CYP26A1: variants seen among roughly 807,000 people sequenced by gnomAD.
CYP26A1 encodes cytochrome P450 26A1.
CYP26A1 carries 46 observed loss-of-function variants against 47.4 expected under a neutral mutation model. The observed-to-expected ratio is 0.97, with a 90% CI of 0.77 to 1.24. The LOEUF (loss-of-function observed/expected upper bound fraction) is 1.24. Ranked by LOEUF, CYP26A1 falls within the 50% of genes most tolerant of loss-of-function variation. The pLI is 0.00. For synonymous variants in CYP26A1, 277 were observed against 263.7 expected (o/e 1.05, Z -0.49); for missense variants, 680 against 644.4 (o/e 1.06, Z -0.60).
In CYP26A1 at chr10:93,075,214, G is replaced by C; in HGVS notation, c.771G>C (p.Gly257=). 1 of 1,613,982 alleles carries C rather than the reference G, an allele frequency of 6.2e-7. No individual in the cohort carries two copies. The highest frequency in any genetic ancestry group is 1.1e-5 in the South Asian group (1 of 91,086). The change falls in exon 4 of 7, where the codon GGG becomes GGC. Residue 257 remains glycine, a synonymous_variant. Transcript: ENST00000224356. ...AGAACATTCGCGCCAAGATCTGCGGGCTGCGGGCATCCGAGGCGGGCCAGG... is the reference window on the plus strand; with the variant it reads ...AGAACATTCGCGCCAAGATCTGCGGCCTGCGGGCATCCGAGGCGGGCCAGG... ...IEQNIRAKIC[G]LRASEAGQGC... is the part of the protein sequence containing the mutation.
chr10:93,076,582 C>A lies in CYP26A1; in HGVS notation c.1038C>A (p.Asp346Glu). 1 of 1,608,150 alleles carries A rather than the reference C, an allele frequency of 6.2e-7. No homozygotes were observed. The highest frequency in any genetic ancestry group is 8.5e-7 in the Non-Finnish European group (1 of 1,174,982). Residue 346 changes from aspartate to glutamate, a missense_variant, in exon 6 of 7, where the codon GAC becomes GAA. By Grantham distance (45) the Asp-to-Glu change is conservative. Coordinates refer to ENST00000224356, the MANE Select transcript of CYP26A1 (RefSeq NM_000783.4). ...LCKSNQDNKL[D>E]MEILEQLKYI... ...AGAGCAATCAAGACAACAAGTTGGA[C>A]ATGGAAATTTTGGAACAACTTAAAT... is the stretch of plus-strand genomic sequence containing the variant.
chr10:93,075,637 G>T, intron 4 of CYP26A1, 189 bp from the exon 5 acceptor site: 5 of 592,134 alleles, frequency 8.4e-6, no homozygotes, highest in Non-Finnish European at 1.5e-5. Flanking sequence ...GGTCGTACTC[G>T]CCTTACTGCT....
At chr10:93,075,377 C>G in intron 4 of CYP26A1, 70 bp downstream of exon 4, 1 of 1,473,500 alleles carries the variant, frequency 6.8e-7, no homozygotes, top group Non-Finnish European at 9.3e-7. Flanking sequence ...GTTCCTGGGG[C>G]CCCCAAAGCG....
Position 93,074,292 on chromosome 10 carries a change from C to G in CYP26A1, c.190-16C>G, listed in dbSNP as rs755322246. On this transcript the variant is annotated splice_polypyrimidine_tract_variant and intron_variant, in intron 1 of 6. Coordinates refer to ENST00000224356, the MANE Select transcript of CYP26A1 (RefSeq NM_000783.4). The surrounding 1 kb of genome is among the most constrained non-coding windows in gnomAD (Gnocchi z 5.3). ...CCCCCTCATGCCCACTTCTCTCCTCCGCCTTCCTCCCACAGCGGAGGAAGT... is the reference window on the plus strand; with the variant it reads ...CCCCCTCATGCCCACTTCTCTCCTCGGCCTTCCTCCCACAGCGGAGGAAGT... 6.4e-7 allele frequency: 1 copy of G among 1,568,760 alleles called. No individual in the cohort carries two copies. Among genetic ancestry groups the G allele is most frequent in the Non-Finnish European group, 8.8e-7 (1 of 1,140,448 alleles).
chr10:93,074,361 G>C lies in CYP26A1; in HGVS notation c.243G>C (p.Thr81=). Residue 81 remains threonine, a synonymous_variant, in exon 2 of 7, where the codon ACG becomes ACC. Transcript: ENST00000224356. The surrounding 1 kb of genome is among the most constrained non-coding windows in gnomAD (Gnocchi z 5.3). ...GGAAATACGGCTTCATCTACAAGAC[G>C]CATCTGTTCGGGCGGCCCACCGTAC... The part of the protein sequence containing the change: ...KRRKYGFIYK[T]HLFGRPTVRV... 1 of 1,611,790 alleles carries C rather than the reference G, an allele frequency of 6.2e-7. No individual in the cohort carries two copies. The highest frequency in any genetic ancestry group is 8.5e-7 in the Non-Finnish European group (1 of 1,178,674).
rs569661292 is a variant in CYP26A1 at position 93,074,612 on chromosome 10, G to A, written c.414+80G>A. 2 of 1,120,834 alleles carry A rather than the reference G, an allele frequency of 1.8e-6. No homozygotes were observed. Among genetic ancestry groups the A allele is most frequent in the Middle Eastern group, 2.0e-4 (1 of 5,028 alleles). 69.4% of individuals were successfully genotyped at this position (1,120,834 alleles called of 1,614,324 possible). On this transcript the variant is annotated intron_variant, in intron 2 of 6. Coordinates refer to ENST00000224356, the MANE Select transcript of CYP26A1 (RefSeq NM_000783.4). The surrounding 1 kb of genome is among the most constrained non-coding windows in gnomAD (Gnocchi z 5.3). The stretch of plus-strand genomic sequence containing the variant: ...ATTCCGGCTGATGGATGCTAGGCGC[G>A]GGCTAGCAGCTTGAGGTGGGCTAGG...
In CYP26A1 at chr10:93,073,966, T is replaced by A. The variant is rs1320626614; in HGVS notation, c.32T>A (p.Leu11His). 7.6e-7 allele frequency: 1 copy of A among 1,307,530 alleles called. No homozygotes were observed. Among genetic ancestry groups the A allele is most frequent in the East Asian group, 2.3e-5 (1 of 43,418 alleles). The allele number at this position is 1,307,530 out of a possible 1,614,324, so 81.0% of individuals were successfully genotyped here. The change falls in exon 1 of 7, where the codon CTC (leucine) becomes CAC (histidine). Residue 11 changes from leucine (L) to histidine (H), a missense_variant. Coordinates refer to ENST00000224356, the MANE Select transcript of CYP26A1 (RefSeq NM_000783.4). Reference sequence around the variant, plus strand: ...CTCCCGGCGCTGCTGGCCAGTGCGCTCTGCACCTTCGTGCTGCCGCTGCTG... The same window carrying A: ...CTCCCGGCGCTGCTGGCCAGTGCGCACTGCACCTTCGTGCTGCCGCTGCTG... Reference protein sequence around the residue: MGLPALLASALCTFVLPLLLF... With the variant: MGLPALLASAHCTFVLPLLLF...
rs1412757431 is a variant in CYP26A1 at position 93,074,207 on chromosome 10, C to T, written c.189+84C>T. The T allele has an allele frequency of 2.0e-6, 3 of 1,521,314 alleles. No homozygotes were observed. The highest frequency in any genetic ancestry group is 2.7e-6 in the Non-Finnish European group (3 of 1,130,604). The allele number at this position is 1,521,314 out of a possible 1,614,324, so 94.2% of individuals were successfully genotyped here. On this transcript the variant is annotated intron_variant, in intron 1 of 6. Transcript: ENST00000224356. The surrounding 1 kb of genome is among the most constrained non-coding windows in gnomAD (Gnocchi z 5.3). Reference sequence around the variant, plus strand: ...TCTGCTGAAGTCGGGGTAGGCGCCCCCGGGAGGCATGCTATTGCGGCTAGG... The same window carrying T: ...TCTGCTGAAGTCGGGGTAGGCGCCCTCGGGAGGCATGCTATTGCGGCTAGG...
rs1421272690 is a variant in CYP26A1 at position 93,074,833 on chromosome 10, A to G, written c.469A>G (p.Thr157Ala). ...ACTCGAATGCTACGTGCCGGTGATC[A>G]CCGAGGAAGTGGGCAGCAGCCTGGA... ...EALECYVPVI[T>A]EEVGSSLEQW... The change falls in exon 3 of 7, where the codon ACC becomes GCC. Residue 157 changes from threonine to alanine, a missense_variant. Transcript: ENST00000224356. This position sits in a 1 kb window ranked among gnomAD's most constrained non-coding sequence, Gnocchi z 5.3. 3 of 1,611,342 alleles carry G rather than the reference A, an allele frequency of 1.9e-6. No individual in the cohort carries two copies. The African/African-American group carries it at 4.0e-5, about 22-fold the overall frequency.
chr10:93,075,116 G>A, intron 3 of CYP26A1, 33 bp from the exon 4 acceptor site: 1 of 1,610,954 alleles, frequency 6.2e-7, no homozygotes, highest in Non-Finnish European at 8.5e-7. Context: ...GGACCTGGGC[G>A]TCTGCTCACC....
chr10:93,077,342 G>C lies in CYP26A1; in HGVS notation c.*38G>C, dbSNP rs906646750. 1.7e-6 allele frequency: 2 copies of C among 1,191,310 alleles called. No homozygotes were observed. The highest frequency in any genetic ancestry group is 2.3e-6 in the Non-Finnish European group (2 of 866,066). 73.8% of individuals were successfully genotyped at this position (1,191,310 alleles called of 1,614,324 possible). On this transcript the variant is annotated 3_prime_UTR_variant, in exon 7 of 7. Transcript: ENST00000224356. ...TTCAAACCTGAGACTTATTGGAAGT[G>C]TACATATGAGTTTTTAAGGAGTGTT...
chr10:93,076,081 G>GGCT, intron 5 of CYP26A1, 121 bp downstream of exon 5: 1 of 724,874 alleles, frequency 1.4e-6, no homozygotes, highest in East Asian at 2.6e-5. Context: ...CAGGGCCCAG[G>GGCT]GCTGCGTGGG....
At position 93,074,187 on chromosome 10, in the gene CYP26A1, T is replaced by G; in HGVS notation, c.189+64T>G. The G allele has an allele frequency of 1.3e-6, 2 of 1,519,110 alleles. No homozygotes were observed. Among genetic ancestry groups the G allele is most frequent in the Non-Finnish European group, 1.8e-6 (2 of 1,131,556 alleles). The allele number at this position is 1,519,110 out of a possible 1,614,324, so 94.1% of individuals were successfully genotyped here. ...GCCCGGCGCGGCTCTGGGCTTCTGC[T>G]GAAGTCGGGGTAGGCGCCCCCGGGA... On this transcript the variant is annotated intron_variant, in intron 1 of 6. Coordinates refer to ENST00000224356, the MANE Select transcript of CYP26A1 (RefSeq NM_000783.4). This position sits in a 1 kb window ranked among gnomAD's most constrained non-coding sequence, Gnocchi z 5.3.
Position 93,074,005 on chromosome 10 carries a change from CGATCAAGCTCTGGG to C in CYP26A1, c.72_85del (p.Ile25ProfsTer98). 2.5e-6 allele frequency: 4 copies of C among 1,589,636 alleles called. No individual in the cohort carries two copies. The highest frequency in any genetic ancestry group is 3.5e-6 in the Non-Finnish European group (4 of 1,158,952). ...CTGCCGCTGCTGCTCTTCCTGGCTG[CGATCAAGCTCTGGG>C]ACCTGTACTGCGTGAGCGGCCGCGA... On this transcript the variant is annotated frameshift_variant, in exon 1 of 7. Coordinates refer to ENST00000224356, the MANE Select transcript of CYP26A1 (RefSeq NM_000783.4). LOFTEE classifies it high-confidence loss of function. This position sits in a 1 kb window ranked among gnomAD's most constrained non-coding sequence, Gnocchi z 5.3.
chr10:93,075,648 C>A (rs1298017540), intron 4 of CYP26A1, 178 bp from the exon 5 acceptor site: 2 of 598,246 alleles, frequency 3.3e-6, no homozygotes, highest in East Asian at 5.5e-5. Context: ...CCTTACTGCT[C>A]CAGCTGAACT....
intron 4 of CYP26A1, 26 bp from the exon 5 acceptor site, chr10:93,075,800 G>C: frequency 6.3e-7 from 1 of 1,597,604 alleles, no homozygotes; most frequent in Non-Finnish European, 8.6e-7. Flanking sequence ...AGACTTGTGA[G>C]AATGTGGGTC....
intron 4 of CYP26A1, 73 bp downstream of exon 4, chr10:93,075,380 C>G: frequency 7.0e-7 from 1 of 1,432,832 alleles, no homozygotes. Flanking sequence ...CCTGGGGCCC[C>G]CAAAGCGCGC....
At position 93,074,364 on chromosome 10, in the gene CYP26A1, T is replaced by C. The variant is rs1027638218; in HGVS notation, c.246T>C (p.His82=). 2.5e-6 allele frequency: 4 copies of C among 1,612,332 alleles called. No homozygotes were observed. The highest frequency in any genetic ancestry group is 3.4e-6 in the Non-Finnish European group (4 of 1,179,188). Residue 82 remains histidine (H), a synonymous_variant, in exon 2 of 7, where the codon CAT becomes CAC. Coordinates refer to ENST00000224356, the MANE Select transcript of CYP26A1 (RefSeq NM_000783.4). The surrounding 1 kb of genome is among the most constrained non-coding windows in gnomAD (Gnocchi z 5.3). ...AATACGGCTTCATCTACAAGACGCATCTGTTCGGGCGGCCCACCGTACGGG... is the reference window on the plus strand; with the variant it reads ...AATACGGCTTCATCTACAAGACGCACCTGTTCGGGCGGCCCACCGTACGGG... The part of the protein sequence containing the change: ...RRKYGFIYKT[H]LFGRPTVRVM...
In CYP26A1 at chr10:93,077,167, A is replaced by C; in HGVS notation, c.1357A>C (p.Lys453Gln). The change falls in exon 7 of 7, where the codon AAA becomes CAA. Residue 453 changes from lysine (K) to glutamine (Q), a missense_variant. Transcript: ENST00000224356. ...VGKEFAKILL[K>Q]IFTVELARHC... ...CAAAGAATTTGCAAAAATTCTTCTC[A>C]AAATATTTACAGTGGAGCTGGCCAG... is the stretch of plus-strand genomic sequence containing the variant. 6.2e-7 allele frequency: 1 copy of C among 1,613,962 alleles called. No individual in the cohort carries two copies. Among genetic ancestry groups the C allele is most frequent in the South Asian group, 1.1e-5 (1 of 91,060 alleles).
Sources: allele counts gnomAD v4.1 joint callset, GRCh38; gene constraint gnomAD v4.1.1; non-coding constraint Gnocchi (gnomAD v3.1); transcripts MANE v1.5; gene names NCBI Gene and HGNC (gene_info 2026-07-23, HGNC 2026-07-21).